The following GPR63 variants were observed in gnomAD, a reference collection of about 807,000 sequenced individuals.
GPR63 encodes the protein G protein-coupled receptor 63.
In GPR63, 12 loss-of-function variants were observed where a neutral mutation model predicts 23.1. The ratio of observed to expected loss-of-function variants is 0.52; its 90% confidence interval spans 0.33 to 0.84. GPR63 has a LOEUF of 0.84. GPR63 is among the 40% of genes least tolerant of loss of function. The pLI, the probability that GPR63 is intolerant of heterozygous loss-of-function variation, is 0.02. For synonymous variants in GPR63, 172 were observed against 191.1 expected, an observed-to-expected ratio of 0.90 and a Z score of 0.82; for missense variants, 472 against 515.6, an observed-to-expected ratio of 0.92 and a Z score of 0.82.
In GPR63 at chr6:96,830,142, T is replaced by C. The variant is rs181705607; in HGVS notation, c.-151+7126A>G. On this transcript the variant is annotated intron_variant, in intron 1 of 1. Coordinates refer to ENST00000229955, the MANE Select transcript of GPR63 (RefSeq NM_030784.4). ...GTTGATAAAGCAAGAGTTGCCTCCATGTGAGGAATGAGTAGACAGAGGAAT... is the reference window on the plus strand; with the variant it reads ...GTTGATAAAGCAAGAGTTGCCTCCACGTGAGGAATGAGTAGACAGAGGAAT... Among the ~76,000 whole-genome samples the C allele has an allele frequency of 5.4e-4, 82 of 152,270 alleles. 1 individual carries two copies. The highest frequency in any genetic ancestry group is 1.6e-3 in the African/African-American group (68 of 41,574).
chr6:96,813,309 C>T (rs1042591587), intron 1 of GPR63, among the ~76,000 whole-genome samples: 1 of 152,154 alleles, frequency 6.6e-6, no homozygotes, highest in African/African-American at 2.4e-5. Context: ...CATGCAACCA[C>T]AGGTATCCTT....
rs1773540977 is a variant in GPR63, at chr6:96,794,775, T to TGACTTTAAATTAAGTCAC, written c.*3696_*3697insGTGACTTAATTTAAAGTC. The TGACTTTAAATTAAGTCAC allele has an allele frequency of 6.6e-6, 1 of 152,188 alleles. No homozygotes were observed. Among genetic ancestry groups the TGACTTTAAATTAAGTCAC allele is most frequent in the Non-Finnish European group, 1.5e-5 (1 of 68,024 alleles). 9.4% of individuals were successfully genotyped at this position (152,188 alleles called of 1,614,324 possible). A position where few individuals can be genotyped will look rare whatever the true frequency, so the allele number is the denominator to read the frequency against. On this transcript the variant is annotated 3_prime_UTR_variant, in exon 2 of 2. Transcript: ENST00000229955. The stretch of plus-strand genomic sequence containing the variant: ...AGCATAATTAGACTGCTGAAAGTCA[T>TGACTTTAAATTAAGTCAC]GACTTTCAATTAAGTCACCCATTTT...
chr6:96,807,171 C>A (rs1406261330), intron 1 of GPR63, among the ~76,000 whole-genome samples: 1 of 152,232 alleles, frequency 6.6e-6, no homozygotes, highest in Non-Finnish European at 1.5e-5. Context: ...GATAATCAGG[C>A]AGACAAGATG....
At chr6:96,800,763 C>A (rs1773742956) in intron 1 of GPR63, among the ~76,000 whole-genome samples, 1 of 152,224 alleles carries the variant, frequency 6.6e-6, no homozygotes, top group East Asian at 1.9e-4. Context: ...CCCTAAAAAA[C>A]CAATCTTATT....
In GPR63 at chr6:96,837,428, TGGCGGCGGCGGCGATACA is replaced by T. The variant is rs1774765978; in HGVS notation, c.-329_-312del. 1.3e-5 allele frequency: 2 copies of T among 153,972 alleles called. No homozygotes were observed. The highest frequency in any genetic ancestry group is 3.7e-4 in the South Asian group (2 of 5,448). 9.5% of individuals were successfully genotyped at this position (153,972 alleles called of 1,614,324 possible). A position where few individuals can be genotyped will look rare whatever the true frequency, so the allele number is the denominator to read the frequency against. On this transcript the variant is annotated 5_prime_UTR_variant, in exon 1 of 2. Coordinates refer to ENST00000229955, the MANE Select transcript of GPR63 (RefSeq NM_030784.4). ...AAGGAGGACAACGAAGAGGAGGTGG[TGGCGGCGGCGGCGATACA>T]GGCGGCGGTGGCGGGAGCTGGAGCT...
At chr6:96,837,003 G>A (rs1215866071) in intron 1 of GPR63, among the ~76,000 whole-genome samples, 7 of 151,972 alleles carry the variant, frequency 4.6e-5, no homozygotes, top group African/African-American at 1.7e-4. Context: ...AGGGGAGGGG[G>A]GCGGGCGGCC....
chr6:96,799,615 G>A lies in GPR63; in HGVS notation c.117C>T (p.Asp39=). 6 of 1,614,168 alleles carry A rather than the reference G, an allele frequency of 3.7e-6. No homozygotes were observed. Among genetic ancestry groups the A allele is most frequent in the Non-Finnish European group, 5.1e-6 (6 of 1,180,024 alleles). The change falls in exon 2 of 2, where the codon GAC becomes GAT. Residue 39 remains aspartate (D), a synonymous_variant. Coordinates refer to ENST00000229955, the MANE Select transcript of GPR63 (RefSeq NM_030784.4). ...ITLPPPFQHP[D]LSPLLRYSFE... Reference sequence around the variant, plus strand: ...AACTATATCTAAGCAATGGACTGAGGTCAGGATGCTGGAATGGTGGAGGGA... The same window carrying A: ...AACTATATCTAAGCAATGGACTGAGATCAGGATGCTGGAATGGTGGAGGGA...
At chr6:96,808,259 G>A (rs1327741308) in intron 1 of GPR63, among the ~76,000 whole-genome samples, 1 of 152,116 alleles carries the variant, frequency 6.6e-6, no homozygotes, top group Non-Finnish European at 1.5e-5. Flanking sequence ...AAAAATATAT[G>A]ACATATGGAA....
chr6:96,832,578 A>T (rs575100620), intron 1 of GPR63, among the ~76,000 whole-genome samples: 3 of 152,068 alleles, frequency 2.0e-5, no homozygotes, highest in South Asian at 2.1e-4. Context: ...TGGCCTCTAA[A>T]TTTCCTATAA....
chr6:96,831,937 T>G (rs957277458), intron 1 of GPR63, among the ~76,000 whole-genome samples: 2 of 151,614 alleles, frequency 1.3e-5, no homozygotes, highest in Admixed American at 1.3e-4. Flanking sequence ...TAAATAAAAA[T>G]TTTTTAAAAA....
chr6:96,826,024 A>G (rs189946985), intron 1 of GPR63, among the ~76,000 whole-genome samples: 14 of 152,242 alleles, frequency 9.2e-5, no homozygotes, highest in Admixed American at 9.2e-4. Context: ...GAATAAAAAC[A>G]AACATTTCTT....
chr6:96,802,297 C>A (rs1343586285), intron 1 of GPR63, among the ~76,000 whole-genome samples: 1 of 152,108 alleles, frequency 6.6e-6, no homozygotes, highest in Admixed American at 6.6e-5. Context: ...AAACTTCTAA[C>A]AATTCATTCA....
intron 1 of GPR63, among the ~76,000 whole-genome samples, chr6:96,830,389 C>T (rs571243074): frequency 1.3e-5 from 2 of 152,256 alleles, no homozygotes; most frequent in South Asian, 2.1e-4. Flanking sequence ...TTAACCTATC[C>T]ATGCCTGTTA....
chr6:96,799,624 C>T lies in GPR63; in HGVS notation c.108G>A (p.Gln36=), dbSNP rs1308773871. ...TAAGCAATGGACTGAGGTCAGGATG[C>T]TGGAATGGTGGAGGGAGTGTAATAT... ...YMNITLPPPF[Q]HPDLSPLLRY... is the part of the protein sequence containing the mutation. Residue 36 remains glutamine, a synonymous_variant, in exon 2 of 2, where the codon CAG becomes CAA. Transcript: ENST00000229955. 6.2e-7 allele frequency: 1 copy of T among 1,613,970 alleles called. No homozygotes were observed. Among genetic ancestry groups the T allele is most frequent in the Non-Finnish European group, 8.5e-7 (1 of 1,180,020 alleles).
chr6:96,820,918 T>C (rs1457770513), intron 1 of GPR63, among the ~76,000 whole-genome samples: 1 of 152,226 alleles, frequency 6.6e-6, no homozygotes, highest in Admixed American at 6.5e-5. Context: ...ATGCTGGTAC[T>C]CTCTTCACTG....
chr6:96,823,340 G>A (rs966022896), intron 1 of GPR63, among the ~76,000 whole-genome samples: 2 of 152,022 alleles, frequency 1.3e-5, no homozygotes, highest in Admixed American at 6.6e-5. Context: ...TATAGAAGTG[G>A]AAGACAGTCA....
rs926435567 is a variant in GPR63, at chr6:96,795,816, T to A, written c.*2656A>T. The A allele has an allele frequency of 1.3e-5, 2 of 152,210 alleles. No homozygotes were observed. The highest frequency in any genetic ancestry group is 2.9e-5 in the Non-Finnish European group (2 of 68,042). The allele number at this position is 152,210 out of a possible 1,614,324, so 9.4% of individuals were successfully genotyped here. On this transcript the variant is annotated 3_prime_UTR_variant, in exon 2 of 2. Coordinates refer to ENST00000229955, the MANE Select transcript of GPR63 (RefSeq NM_030784.4). ...AGAAAAGTCTAATAAAAAATGTCCT[T>A]ATCAATATCTGCTTGAAATCTAGTT...
intron 1 of GPR63, among the ~76,000 whole-genome samples, chr6:96,823,635 T>C (rs1327514701): frequency 6.6e-6 from 1 of 152,124 alleles, no homozygotes; most frequent in Non-Finnish European, 1.5e-5. Context: ...GTTTATAAAG[T>C]CTACAGTGGT....
At chr6:96,811,446 C>T (rs1386624878) in intron 1 of GPR63, among the ~76,000 whole-genome samples, 1 of 152,160 alleles carries the variant, frequency 6.6e-6, no homozygotes, top group Non-Finnish European at 1.5e-5. Flanking sequence ...GAAAGGAGAG[C>T]TCTTGTGACA....
Sources: gnomAD v4.1 joint callset for allele counts (sites outside exome capture counted in the v4.1 genomes callset) on GRCh38, gnomAD v4.1.1 for gene constraint, MANE v1.5 for transcripts, NCBI Gene and HGNC (gene_info 2026-07-23, HGNC 2026-07-21) for gene names.